Variants in SORCS3 observed in about 807,000 individuals in gnomAD.
SORCS3 encodes the protein VPS10 domain-containing receptor SorCS3.
Under a neutral mutation model 146.3 loss-of-function variants are expected in SORCS3, and 57 were observed. That is an observed-to-expected ratio of 0.39 (90% CI 0.31 to 0.49). The LOEUF (loss-of-function observed/expected upper bound fraction) is 0.49. SORCS3 is among the 20% of genes least tolerant of loss of function. The pLI, the probability that SORCS3 is intolerant of heterozygous loss-of-function variation, is 0.92. For missense variants in SORCS3, 1,341 were observed against 1,575.5 expected (o/e 0.85, Z 2.52); for synonymous variants, 653 against 618.5 (o/e 1.06, Z -0.83).
intron 2 of SORCS3, among the ~76,000 whole-genome samples, chr10:104,899,166 A>C (rs2018827054): frequency 6.6e-6 from 1 of 152,250 alleles, no homozygotes. Flanking sequence ...CATGTTTTAC[A>C]TCAGACAGAC....
chr10:105,031,198 C>G (rs903947217), intron 4 of SORCS3, among the ~76,000 whole-genome samples: 2 of 151,880 alleles, frequency 1.3e-5, no homozygotes, highest in Non-Finnish European at 2.9e-5. Flanking sequence ...ACTCTGGAGG[C>G]TGAGGCAGGA....
At chr10:105,080,629 T>C (rs1028086305) in intron 5 of SORCS3, among the ~76,000 whole-genome samples, 1 of 152,220 alleles carries the variant, frequency 6.6e-6, no homozygotes, top group Non-Finnish European at 1.5e-5. Context: ...ATGTCCAGAA[T>C]TATATTTCCT....
intron 23 of SORCS3, 28 bp downstream of exon 23, chr10:105,252,934 C>G: frequency 1.2e-6 from 2 of 1,612,260 alleles, no homozygotes; most frequent in African/African-American, 2.7e-5. Context: ...TGGCTGGGAC[C>G]CTTGCCTGCA....
intron 1 of SORCS3, among the ~76,000 whole-genome samples, chr10:104,835,530 G>T (rs2018056700): frequency 6.6e-6 from 1 of 152,180 alleles, no homozygotes; most frequent in Non-Finnish European, 1.5e-5. Flanking sequence ...AGGCATTAAA[G>T]GTCCTCACTT....
chr10:105,036,826 G>A lies in SORCS3; in HGVS notation c.955-6229G>A, dbSNP rs577587632. On this transcript the variant is annotated intron_variant, in intron 4 of 26. Coordinates refer to ENST00000369701, the MANE Select transcript of SORCS3 (RefSeq NM_014978.3). Reference sequence around the variant, plus strand: ...AGAGAGGCAGAGACCTCATTTCTAAGAGAACCAGCCTCATTTTATTTGAAA... The same window carrying A: ...AGAGAGGCAGAGACCTCATTTCTAAAAGAACCAGCCTCATTTTATTTGAAA... Among the ~76,000 whole-genome samples the A allele has an allele frequency of 5.9e-5, 9 of 152,236 alleles. No individual in the cohort carries two copies. In the South Asian group the frequency reaches 1.7e-3, roughly 28 times the overall value.
chr10:105,259,453 T>A (rs2056948473), intron 25 of SORCS3, among the ~76,000 whole-genome samples: 1 of 152,198 alleles, frequency 6.6e-6, no homozygotes. Flanking sequence ...GGAAATGATC[T>A]CAGTATCCCA....
intron 23 of SORCS3, among the ~76,000 whole-genome samples, chr10:105,253,307 C>T (rs2056912202): frequency 6.6e-6 from 1 of 152,166 alleles, no homozygotes; most frequent in South Asian, 2.1e-4. Flanking sequence ...ACTGCACTGG[C>T]CCTTAAAGAT....
In SORCS3 at chr10:105,153,799, G is replaced by A. The variant is rs572429601; in HGVS notation, c.1483-3339G>A. ...AAAATGAAACTTCGAGGCTGGGCGC[G>A]GTGGCTCACACCTGTAATCCCAGCA... On this transcript the variant is annotated intron_variant, in intron 9 of 26. Transcript: ENST00000369701. Among the ~76,000 whole-genome samples, 14 of 151,938 alleles carry A rather than the reference G, an allele frequency of 9.2e-5. No homozygotes were observed. The South Asian group carries it at 2.1e-3, about 23-fold the overall frequency.
chr10:105,055,605 G>A (rs2055440501), intron 5 of SORCS3, among the ~76,000 whole-genome samples: 1 of 152,048 alleles, frequency 6.6e-6, no homozygotes, highest in African/African-American at 2.4e-5. Context: ...TAATAAAACA[G>A]CTTATAATAA....
intron 4 of SORCS3, among the ~76,000 whole-genome samples, chr10:105,027,579 T>TC (rs1401246066): frequency 1.3e-5 from 2 of 152,194 alleles, no homozygotes; most frequent in Admixed American, 6.5e-5. Flanking sequence ...ATGTTTTTTT[T>TC]CATGGTCATT....
chr10:105,217,090 C>T lies in SORCS3; in HGVS notation c.2702C>T (p.Ser901Leu), dbSNP rs1406350768. Residue 901 changes from serine to leucine, a missense_variant, in exon 19 of 27, where the codon TCA (serine) becomes TTA (leucine). Coordinates refer to ENST00000369701, the MANE Select transcript of SORCS3 (RefSeq NM_014978.3). ...GCCTATGCAGAGAACAACCTTGGCTCAGACACAGCTGTCCTCTTCCTGCAT... is the reference window on the plus strand; with the variant it reads ...GCCTATGCAGAGAACAACCTTGGCTTAGACACAGCTGTCCTCTTCCTGCAT... ...VTAYAENNLG[S>L]DTAVLFLHVV... 1.2e-6 allele frequency: 2 copies of T among 1,614,178 alleles called. No individual in the cohort carries two copies. The highest frequency in any genetic ancestry group is 8.5e-7 in the Non-Finnish European group (1 of 1,180,030).
At chr10:104,942,093 G>T (rs952100248) in intron 3 of SORCS3, among the ~76,000 whole-genome samples, 1 of 152,040 alleles carries the variant, frequency 6.6e-6, no homozygotes, top group Admixed American at 6.6e-5. Flanking sequence ...CACTGGAGAG[G>T]TTGTGCCTAG....
chr10:104,995,164 CT>C (rs34446072), intron 4 of SORCS3, among the ~76,000 whole-genome samples: 177 of 137,208 alleles, frequency 1.3e-3, no homozygotes, highest in South Asian at 2.1e-3. Flanking sequence ...CTTTCTTTCT[CT>C]TTTTTTTTTT....
intron 4 of SORCS3, among the ~76,000 whole-genome samples, chr10:105,016,323 G>T (rs2055167700): frequency 6.6e-6 from 1 of 150,428 alleles, no homozygotes; most frequent in Non-Finnish European, 1.5e-5. Context: ...GCTAATCTTT[G>T]TATTTTTAGT....
intron 1 of SORCS3, among the ~76,000 whole-genome samples, chr10:104,796,746 T>C (rs1278182297): frequency 2.6e-5 from 4 of 152,232 alleles, no homozygotes; most frequent in African/African-American, 9.6e-5. Context: ...TTTGGAAACA[T>C]TGCCATTTTG....
At chr10:105,070,628 T>C (rs962711789) in intron 5 of SORCS3, among the ~76,000 whole-genome samples, 1 of 152,198 alleles carries the variant, frequency 6.6e-6, no homozygotes, top group Non-Finnish European at 1.5e-5. Flanking sequence ...ATATTTTCTC[T>C]ACAAATCACA....
At chr10:105,195,011 A>T (rs2119601521) in intron 14 of SORCS3, among the ~76,000 whole-genome samples, 1 of 152,344 alleles carries the variant, frequency 6.6e-6, no homozygotes, top group Non-Finnish European at 1.5e-5. Flanking sequence ...TTCTGAAGAA[A>T]GAGCTCAGTG....
intron 3 of SORCS3, among the ~76,000 whole-genome samples, chr10:104,962,853 A>C (rs571940067): frequency 6.6e-6 from 1 of 152,352 alleles, no homozygotes; most frequent in East Asian, 1.9e-4. Context: ...GTTAACGTGA[A>C]TGTTTGTTTC....
chr10:104,716,729 C>A (rs973110968), intron 1 of SORCS3, among the ~76,000 whole-genome samples: 1 of 152,142 alleles, frequency 6.6e-6, no homozygotes, highest in East Asian at 1.9e-4. Flanking sequence ...TGGTTGTCTG[C>A]GGAATGTTTT....
Sources: allele counts gnomAD v4.1 joint callset (sites outside exome capture counted in the v4.1 genomes callset), GRCh38; gene constraint gnomAD v4.1.1; transcripts MANE v1.5; gene names NCBI Gene and HGNC (gene_info 2026-07-23, HGNC 2026-07-21).